PLEKHM3: variants seen among roughly 807,000 people sequenced by gnomAD.
PLEKHM3 encodes the protein pleckstrin homology domain-containing family M member 3.
A neutral mutation model predicts 81.8 loss-of-function variants in PLEKHM3; 45 were observed. The observed-to-expected ratio is 0.55, with a 90% CI of 0.43 to 0.71. PLEKHM3 has a LOEUF of 0.71. PLEKHM3 is among the 30% of genes least tolerant of loss of function. PLEKHM3 has a pLI of 0.00. For missense variants in PLEKHM3, 788 were observed against 924.3 expected, an observed-to-expected ratio of 0.85 and a Z score of 1.91; for synonymous variants, 352 against 356.4, an observed-to-expected ratio of 0.99 and a Z score of 0.14.
At chr2:207,888,348 T>C (rs1687947240) in intron 6 of PLEKHM3, among the ~76,000 whole-genome samples, 1 of 85,896 alleles carries the variant, frequency 1.2e-5, no homozygotes, top group South Asian at 5.3e-4. Context: ...ATCCTGCTTT[T>C]CTTCATACAC....
At chr2:207,830,270 C>T (rs1196301281) in intron 7 of PLEKHM3, among the ~76,000 whole-genome samples, 3 of 152,090 alleles carry the variant, frequency 2.0e-5, no homozygotes, top group Admixed American at 6.5e-5. Flanking sequence ...AAACCCCTTA[C>T]CCACAATGTG....
chr2:207,978,578 C>A (rs150943341), intron 2 of PLEKHM3, among the ~76,000 whole-genome samples: 1 of 152,216 alleles, frequency 6.6e-6, no homozygotes, highest in African/African-American at 2.4e-5. Context: ...AGTTCATGGG[C>A]CTTCTGTCTA....
intron 6 of PLEKHM3, among the ~76,000 whole-genome samples, chr2:207,876,437 T>C (rs955631977): frequency 6.6e-6 from 1 of 152,240 alleles, no homozygotes; most frequent in Non-Finnish European, 1.5e-5. Flanking sequence ...CCTAATAATA[T>C]GTTTATTTTC....
chr2:207,948,971 C>G (rs898162149), intron 3 of PLEKHM3, among the ~76,000 whole-genome samples: 1 of 138,970 alleles, frequency 7.2e-6, no homozygotes, highest in African/African-American at 2.6e-5. Flanking sequence ...GCCACCATGC[C>G]CGGTCCAGAT....
At chr2:207,950,049 C>T (rs987008900) in intron 3 of PLEKHM3, among the ~76,000 whole-genome samples, 3 of 152,132 alleles carry the variant, frequency 2.0e-5, no homozygotes, top group Admixed American at 6.5e-5. Flanking sequence ...TAAACATCCT[C>T]GCAACTATGT....
intron 4 of PLEKHM3, among the ~76,000 whole-genome samples, chr2:207,942,467 G>A (rs1051352028): frequency 3.9e-5 from 6 of 152,204 alleles, no homozygotes; most frequent in Admixed American, 6.5e-5. Flanking sequence ...AGCCATGACC[G>A]TGCTACTGCA....
At chr2:207,989,772 T>C (rs1403859427) in intron 2 of PLEKHM3, among the ~76,000 whole-genome samples, 1 of 152,310 alleles carries the variant, frequency 6.6e-6, no homozygotes, top group African/African-American at 2.4e-5. Flanking sequence ...GTCAGATACA[T>C]GGGGATCAAA....
rs1281829862 is a variant in PLEKHM3, at chr2:207,843,370, A to T, written c.2109-14874T>A. ...CTAATGGGAGGGTTAGCCTGGGAGA[A>T]GGAGACTTGAGTACTGCTTGTAGGT... On this transcript the variant is annotated intron_variant, in intron 7 of 7. Transcript: ENST00000427836. This position sits in a 1 kb window ranked among gnomAD's most constrained non-coding sequence, Gnocchi z 4.4. Among the ~76,000 whole-genome samples, 1 of 152,160 alleles carries T rather than the reference A, an allele frequency of 6.6e-6. No homozygotes were observed. Among genetic ancestry groups the T allele is most frequent in the Non-Finnish European group, 1.5e-5 (1 of 68,010 alleles).
chr2:207,977,105 T>G lies in PLEKHM3; in HGVS notation c.1092A>C (p.Lys364Asn), dbSNP rs771668999. 5.0e-6 allele frequency: 8 copies of G among 1,614,130 alleles called. No individual in the cohort carries two copies. Among genetic ancestry groups the G allele is most frequent in the Non-Finnish European group, 6.8e-6 (8 of 1,179,988 alleles). ...CAGTCAGCCTGTAGAGAGTCCCTGA[T>G]TTGAGGATGTTTTGGTACTGTTTGG... ...DSSKQYQNIL[K>N]SGTLYRLTVQ... The change falls in exon 3 of 8, where the codon AAA (lysine) becomes AAC (asparagine). Residue 364 changes from lysine (K) to asparagine (N), a missense_variant. Transcript: ENST00000427836.
At chr2:207,862,413 GATT>G (rs10537726) in intron 6 of PLEKHM3, among the ~76,000 whole-genome samples, 24,399 of 152,058 alleles carry the variant, frequency 0.16, 2,241 homozygotes, top group East Asian at 0.25. Context: ...GAGGCAGACA[GATT>G]GCCTGAGGTT....
chr2:207,908,438 G>C, intron 6 of PLEKHM3, 76 bp downstream of exon 6: 1 of 1,354,288 alleles, frequency 7.4e-7, no homozygotes, highest in Non-Finnish European at 1.0e-6. Flanking sequence ...GGCAGAATAC[G>C]GTGCAAAGAC....
Position 207,843,686 on chromosome 2 carries a change from A to T in PLEKHM3, c.2109-15190T>A, listed in dbSNP as rs947655597. Among the ~76,000 whole-genome samples the T allele has an allele frequency of 6.6e-6, 1 of 152,154 alleles. No homozygotes were observed. The highest frequency in any genetic ancestry group is 1.5e-5 in the Non-Finnish European group (1 of 68,028). ...AAGGGAAATTTGCTTGTCTCTTTGC[A>T]ATCTAGAATTTGAAGATTTTCTTTC... On this transcript the variant is annotated intron_variant, in intron 7 of 7. Coordinates refer to ENST00000427836, the MANE Select transcript of PLEKHM3 (RefSeq NM_001080475.3). This position sits in a 1 kb window ranked among gnomAD's most constrained non-coding sequence, Gnocchi z 4.4.
At chr2:207,939,640 T>G (rs1466988645) in intron 4 of PLEKHM3, among the ~76,000 whole-genome samples, 2 of 152,360 alleles carry the variant, frequency 1.3e-5, no homozygotes, top group African/African-American at 4.8e-5. Flanking sequence ...AGCAACCTTA[T>G]GAACTGGGTT....
intron 2 of PLEKHM3, among the ~76,000 whole-genome samples, chr2:207,984,261 T>G (rs1326555991): frequency 6.6e-6 from 1 of 152,242 alleles, no homozygotes; most frequent in African/African-American, 2.4e-5. Context: ...CTGTAAATAC[T>G]TCAGGGTATA....
chr2:207,942,177 T>C (rs1021490570), intron 4 of PLEKHM3, among the ~76,000 whole-genome samples: 1 of 152,158 alleles, frequency 6.6e-6, no homozygotes, highest in African/African-American at 2.4e-5. Context: ...AATGGACAAA[T>C]GGATAATGTG....
chr2:207,830,571 C>A (rs541173399), intron 7 of PLEKHM3, among the ~76,000 whole-genome samples: 43 of 149,218 alleles, frequency 2.9e-4, no homozygotes, highest in African/African-American at 9.2e-4. Flanking sequence ...CACACCACTG[C>A]ACTCTAGCCT....
At chr2:207,946,618 C>A in intron 3 of PLEKHM3, 106 bp from the exon 4 acceptor site, 1 of 1,414,248 alleles carries the variant, frequency 7.1e-7, no homozygotes, top group Non-Finnish European at 9.5e-7. Context: ...ATTTCATTTA[C>A]CTAGTCTGCA....
chr2:207,969,129 C>G (rs1487946884), intron 3 of PLEKHM3, among the ~76,000 whole-genome samples: 1 of 152,190 alleles, frequency 6.6e-6, no homozygotes, highest in Non-Finnish European at 1.5e-5. Context: ...AAAGGACCCC[C>G]CAATTTTTCA....
chr2:207,850,893 G>A (rs1348665523), intron 7 of PLEKHM3, among the ~76,000 whole-genome samples: 2 of 152,074 alleles, frequency 1.3e-5, no homozygotes, highest in African/African-American at 2.4e-5. Context: ...AGTGGCTCAC[G>A]CCTGTAATCC....
Sources: allele counts gnomAD v4.1 joint callset (sites outside exome capture counted in the v4.1 genomes callset), GRCh38; gene constraint gnomAD v4.1.1; non-coding constraint Gnocchi (gnomAD v3.1); transcripts MANE v1.5; gene names NCBI Gene and HGNC (gene_info 2026-07-23, HGNC 2026-07-21).